Variants in P4HA2 observed in about 807,000 individuals in gnomAD.
P4HA2 encodes prolyl 4-hydroxylase subunit alpha-2.
In P4HA2, 46 loss-of-function variants were observed where a neutral mutation model predicts 76.9. The ratio of observed to expected loss-of-function variants is 0.60; its 90% confidence interval spans 0.47 to 0.76. The LOEUF (loss-of-function observed/expected upper bound fraction) is 0.76, where lower values mean the gene tolerates loss of function less well. Among genes scored for constraint, P4HA2 ranks in the 30% least tolerant of loss-of-function variants. P4HA2 has a pLI of 0.00. For synonymous variants in P4HA2, 243 were observed against 254.0 expected (o/e 0.96, Z 0.41); for missense variants, 583 against 669.4 (o/e 0.87, Z 1.42).
At chr5:132,217,407 G>A in intron 3 of P4HA2, 59 bp from the exon 4 acceptor site, 1 of 1,550,180 alleles carries the variant, frequency 6.5e-7, no homozygotes, top group Non-Finnish European at 8.8e-7. Context: ...CTTGACCTGT[G>A]ACAATTTTCC....
intron 4 of P4HA2, among the ~76,000 whole-genome samples, chr5:132,215,308 G>A (rs747652349): frequency 6.6e-6 from 1 of 152,256 alleles, no homozygotes; most frequent in Non-Finnish European, 1.5e-5. Context: ...CTCTGGGCCT[G>A]CCCTATCTCC....
chr5:132,225,314 A>G (rs1199141710), intron 1 of P4HA2, among the ~76,000 whole-genome samples: 1 of 152,064 alleles, frequency 6.6e-6, no homozygotes, highest in Non-Finnish European at 1.5e-5. Context: ...CTCTTGACAG[A>G]CCCCAGGAGC....
chr5:132,217,795 CT>C lies in P4HA2; in HGVS notation c.135del (p.Glu46SerfsTer23). 2 of 1,613,486 alleles carry C rather than the reference CT, an allele frequency of 1.2e-6. No individual in the cohort carries two copies. Among genetic ancestry groups the C allele is most frequent in the Non-Finnish European group, 1.7e-6 (2 of 1,179,400 alleles). ...YAEKELVQSL[K>X]EYILVEEAKL... is the part of the protein sequence containing the mutation. ...TTGGCTTCCTCCACAAGGATGTACT[CT>C]TTCAGAGACTGCACCAGCTCTTTCT... On this transcript the variant is annotated frameshift_variant, in exon 3 of 15. Coordinates refer to ENST00000360568, the MANE Select transcript of P4HA2 (RefSeq NM_001017974.2). LOFTEE classifies it high-confidence loss of function.
chr5:132,193,113 A>C, intron 14 of P4HA2, 33 bp from the exon 15 acceptor site: 1 of 1,529,436 alleles, frequency 6.5e-7, no homozygotes, highest in Non-Finnish European at 9.1e-7. Context: ...TTACAATCCT[A>C]TTGGTCAGTT....
At chr5:132,194,604 C>A (rs1750336777) in intron 14 of P4HA2, among the ~76,000 whole-genome samples, 1 of 152,200 alleles carries the variant, frequency 6.6e-6, no homozygotes, top group Non-Finnish European at 1.5e-5. Flanking sequence ...CACTCTTTCC[C>A]CTCACTGCTT....
chr5:132,215,671 G>C (rs530019660), intron 4 of P4HA2, among the ~76,000 whole-genome samples: 1 of 152,238 alleles, frequency 6.6e-6, no homozygotes, highest in South Asian at 2.1e-4. Flanking sequence ...ACAGCTCAGG[G>C]AAAAGAGGCA....
At chr5:132,224,187 T>C (rs1056590965) in intron 1 of P4HA2, among the ~76,000 whole-genome samples, 1 of 152,192 alleles carries the variant, frequency 6.6e-6, no homozygotes, top group African/African-American at 2.4e-5. Context: ...GGCAAGGCAG[T>C]ACAGTCAAAT....
intron 2 of P4HA2, 141 bp downstream of exon 2, chr5:132,218,404 C>T: frequency 1.7e-6 from 1 of 571,652 alleles, no homozygotes; most frequent in South Asian, 2.2e-5. Context: ...AACAGCAACT[C>T]TGCCAGTTCC....
intron 14 of P4HA2, 59 bp from the exon 15 acceptor site, chr5:132,193,139 A>G: frequency 3.4e-6 from 4 of 1,165,672 alleles, no homozygotes; most frequent in Non-Finnish European, 5.2e-6. Context: ...GCCTGAATGA[A>G]TGACTCCTTC....
Position 132,190,176 on chromosome 5 carries a change from A to G in P4HA2, c.*2834T>C, listed in dbSNP as rs1377347615. On this transcript the variant is annotated 3_prime_UTR_variant, in exon 15 of 15. Coordinates refer to ENST00000360568, the MANE Select transcript of P4HA2 (RefSeq NM_001017974.2). ...AGAAAAAATCATTTAATTTTCCACA[A>G]TTGATTAAGGATACCATTGTACAAA... Among the ~76,000 whole-genome samples the G allele has an allele frequency of 6.6e-6, 1 of 152,234 alleles. No homozygotes were observed. The highest frequency in any genetic ancestry group is 2.4e-5 in the African/African-American group (1 of 41,470).
In P4HA2 at chr5:132,207,723, C is replaced by A; in HGVS notation, c.1065G>T (p.Glu355Asp). ...MSDEEIERIK[E>D]IAKPKLARAT... ...TGACACCTACTTTAGGTTTTGCGAT[C>A]TCCTTGATCCTCTCGATTTCCTCAT... The change falls in exon 8 of 15, where the codon GAG becomes GAT. Residue 355 changes from glutamate (E) to aspartate (D), a missense_variant. Glu to Asp is a conservative substitution (Grantham distance 45, BLOSUM62 2). Coordinates refer to ENST00000360568, the MANE Select transcript of P4HA2 (RefSeq NM_001017974.2). The A allele has an allele frequency of 6.2e-7, 1 of 1,613,798 alleles. No homozygotes were observed. The highest frequency in any genetic ancestry group is 8.5e-7 in the Non-Finnish European group (1 of 1,179,816).
At chr5:132,219,663 T>C (rs546544553) in intron 1 of P4HA2, among the ~76,000 whole-genome samples, 1 of 152,102 alleles carries the variant, frequency 6.6e-6, no homozygotes, top group Non-Finnish European at 1.5e-5. Flanking sequence ...AGTGCTCAAA[T>C]GGAAATTCAC....
rs200518215 is a variant in P4HA2, at chr5:132,209,124, C to A, written c.903+14G>T. On this transcript the variant is annotated intron_variant, in intron 7 of 14. Transcript: ENST00000360568. ...TCCACAGCTTTGGCACCCTAGCCCC[C>A]TCACACATCTCACCAGTTTGACACC... 4.5e-5 allele frequency: 72 copies of A among 1,602,174 alleles called. 1 individual carries two copies. The Middle Eastern group carries it at 9.2e-4, about 20-fold the overall frequency.
chr5:132,191,206 T>C lies in P4HA2; in HGVS notation c.*1804A>G, dbSNP rs910439553. Among the ~76,000 whole-genome samples the C allele has an allele frequency of 3.9e-5, 6 of 152,124 alleles. No homozygotes were observed. In the South Asian group the frequency reaches 1.0e-3, roughly 26 times the overall value. On this transcript the variant is annotated 3_prime_UTR_variant, in exon 15 of 15. Coordinates refer to ENST00000360568, the MANE Select transcript of P4HA2 (RefSeq NM_001017974.2). ...GGCTCCGCATCCTAATATCATCACA[T>C]TGGGGGTTAAGATTTCAACATATGG...
intron 1 of P4HA2, among the ~76,000 whole-genome samples, chr5:132,218,964 G>C (rs965146543): frequency 2.0e-5 from 3 of 152,210 alleles, no homozygotes; most frequent in African/African-American, 7.2e-5. Flanking sequence ...CCAATGGTCT[G>C]TCAGTCCAAG....
At chr5:132,199,037 T>C (rs1580657964) in intron 10 of P4HA2, 105 bp from the exon 11 acceptor site, 5 of 771,356 alleles carry the variant, frequency 6.5e-6, no homozygotes. Flanking sequence ...CAACCAGAAC[T>C]CCCAAGAGCA....
At chr5:132,215,868 A>G (rs1473056111) in intron 4 of P4HA2, among the ~76,000 whole-genome samples, 1 of 150,672 alleles carries the variant, frequency 6.6e-6, no homozygotes, top group East Asian at 1.9e-4. Context: ...AAAAAAAAAA[A>G]AAAAAAAAAG....
rs1247887766 is a variant in P4HA2, at chr5:132,190,539, T to C, written c.*2471A>G. ...AAAAGCCCATCCTATCCTAATAAAA[T>C]ATGCAAAAAATTAAAAGTAGAACTT... is the stretch of plus-strand genomic sequence containing the variant. On this transcript the variant is annotated 3_prime_UTR_variant, in exon 15 of 15. Transcript: ENST00000360568. Among the ~76,000 whole-genome samples the C allele has an allele frequency of 6.6e-6, 1 of 152,138 alleles. No homozygotes were observed. The highest frequency in any genetic ancestry group is 1.5e-5 in the Non-Finnish European group (1 of 68,028).
In P4HA2 at chr5:132,209,322, T is replaced by C; in HGVS notation, c.719A>G (p.His240Arg). ...TRRLLSLDPS[H>R]ERAGGNLRYF... ...CCGCAGATTCCCTCCAGCTCGTTCG[T>C]GGCTTGGGTCTAGAAAATGCAAGGA... is the stretch of plus-strand genomic sequence containing the variant. Residue 240 changes from histidine to arginine, a missense_variant, in exon 7 of 15, where the codon CAC (histidine) becomes CGC (arginine). Coordinates refer to ENST00000360568, the MANE Select transcript of P4HA2 (RefSeq NM_001017974.2). 6.2e-7 allele frequency: 1 copy of C among 1,613,536 alleles called. No individual in the cohort carries two copies. The highest frequency in any genetic ancestry group is 8.5e-7 in the Non-Finnish European group (1 of 1,179,734).
Sources: allele counts gnomAD v4.1 joint callset (sites outside exome capture counted in the v4.1 genomes callset), GRCh38; gene constraint gnomAD v4.1.1; transcripts MANE v1.5; gene names NCBI Gene and HGNC (gene_info 2026-07-23, HGNC 2026-07-21).